Variants in OPCML observed in about 807,000 individuals in gnomAD.
OPCML encodes the protein opioid binding protein/cell adhesion molecule like, also known as opioid-binding protein/cell adhesion molecule.
Under a neutral mutation model 37.8 loss-of-function variants are expected in OPCML, and 13 were observed. That is an observed-to-expected ratio of 0.34 (90% confidence interval 0.22 to 0.55). The LOEUF (loss-of-function observed/expected upper bound fraction) is 0.55. OPCML is among the 20% of genes least tolerant of loss of function. The pLI, the probability that OPCML is intolerant of heterozygous loss-of-function variation, is 0.91. For missense variants in OPCML, 341 were observed against 435.6 expected (o/e 0.78, Z 1.93); for synonymous variants, 176 against 168.8 (o/e 1.04, Z -0.33).
intron 1 of OPCML, among the ~76,000 whole-genome samples, chr11:132,999,680 C>T (rs764124211): frequency 5.3e-5 from 8 of 152,108 alleles, no homozygotes; most frequent in African/African-American, 1.9e-4. Context: ...CAGCCAGAGG[C>T]GGCCATCAGA....
intron 2 of OPCML, among the ~76,000 whole-genome samples, chr11:132,716,053 C>T (rs1169540255): frequency 6.6e-6 from 1 of 152,214 alleles, no homozygotes; most frequent in Admixed American, 6.5e-5. Context: ...ACAAGATATA[C>T]TTTCTAACAC....
intron 1 of OPCML, among the ~76,000 whole-genome samples, chr11:133,036,447 G>A (rs1274166709): frequency 1.3e-5 from 2 of 152,168 alleles, no homozygotes; most frequent in African/African-American, 2.4e-5. Flanking sequence ...ATAATTAGAT[G>A]ATCTCATATT....
At chr11:132,741,743 C>T (rs1484337404) in intron 2 of OPCML, among the ~76,000 whole-genome samples, 2 of 152,002 alleles carry the variant, frequency 1.3e-5, no homozygotes, top group South Asian at 2.1e-4. Context: ...AAAAGCATTT[C>T]GGGCCAGGTG....
chr11:133,320,349 G>A (rs1453612735), intron 1 of OPCML, among the ~76,000 whole-genome samples: 1 of 152,144 alleles, frequency 6.6e-6, no homozygotes, highest in Non-Finnish European at 1.5e-5. Flanking sequence ...ACTCAAGTCA[G>A]GCTGATGAAA....
intron 2 of OPCML, among the ~76,000 whole-genome samples, chr11:132,851,256 G>C (rs1941797784): frequency 6.6e-6 from 1 of 152,124 alleles, no homozygotes; most frequent in Admixed American, 6.5e-5. Flanking sequence ...TGCTAGATTT[G>C]AATTTAATGC....
chr11:133,480,130 A>C (rs77382399), intron 1 of OPCML, among the ~76,000 whole-genome samples: 2,254 of 152,088 alleles, frequency 0.015, 53 homozygotes, highest in African/African-American at 0.05. Flanking sequence ...CAGCACATCC[A>C]CCCCTTCCCT....
chr11:133,099,370 C>T (rs1204799653), intron 1 of OPCML, among the ~76,000 whole-genome samples: 1 of 151,780 alleles, frequency 6.6e-6, no homozygotes, highest in Non-Finnish European at 1.5e-5. Context: ...TCATGCCATT[C>T]TCCTGCCTCA....
intron 1 of OPCML, among the ~76,000 whole-genome samples, chr11:133,032,560 T>C (rs1947694768): frequency 6.6e-6 from 1 of 152,212 alleles, no homozygotes. Flanking sequence ...GGGTAACAAG[T>C]CTAGAACTCA....
Position 133,211,193 on chromosome 11 carries a change from C to A in OPCML, c.62-268183G>T, listed in dbSNP as rs191651473. Among the ~76,000 whole-genome samples, 1 of 150,636 alleles carries A rather than the reference C, an allele frequency of 6.6e-6. No individual in the cohort carries two copies. The highest frequency in any genetic ancestry group is 1.5e-5 in the Non-Finnish European group (1 of 67,242). On this transcript the variant is annotated intron_variant, in intron 1 of 7. Coordinates refer to ENST00000524381, the MANE Select transcript of OPCML (RefSeq NM_001012393.5). The surrounding 1 kb of genome is among the most constrained non-coding windows in gnomAD (Gnocchi z 4.1). ...GCAAATTCTGATGATTTAATGTACT[C>A]ATTTCCCTCAGGTTCTGCTTTCTGG... is the stretch of plus-strand genomic sequence containing the variant.
intron 2 of OPCML, among the ~76,000 whole-genome samples, chr11:132,862,048 A>G (rs1315619965): frequency 2.0e-5 from 3 of 152,160 alleles, no homozygotes; most frequent in Non-Finnish European, 4.4e-5. Context: ...TTGCATGTTT[A>G]CCAGCCTTTA....
chr11:133,253,238 A>C (rs562950028), intron 1 of OPCML, among the ~76,000 whole-genome samples: 1 of 152,020 alleles, frequency 6.6e-6, no homozygotes, highest in Admixed American at 6.6e-5. Flanking sequence ...TGACCACGTG[A>C]TTAATGATGC....
intron 1 of OPCML, among the ~76,000 whole-genome samples, chr11:133,191,358 T>A (rs928559351): frequency 2.0e-5 from 3 of 152,342 alleles, no homozygotes; most frequent in African/African-American, 7.2e-5. Context: ...TCCTTCCCTG[T>A]TGCTTCCTTG....
At chr11:133,144,572 C>T (rs959041729) in intron 1 of OPCML, among the ~76,000 whole-genome samples, 1 of 152,194 alleles carries the variant, frequency 6.6e-6, no homozygotes, top group Non-Finnish European at 1.5e-5. Flanking sequence ...ACATGGGAAG[C>T]ATCTAGCACG....
chr11:133,285,864 A>G (rs1942281190), intron 1 of OPCML, among the ~76,000 whole-genome samples: 1 of 152,226 alleles, frequency 6.6e-6, no homozygotes, highest in Admixed American at 6.5e-5. Flanking sequence ...TGCAGTACAA[A>G]GATGTGAACA....
chr11:132,980,173 A>C (rs1946552608), intron 1 of OPCML, among the ~76,000 whole-genome samples: 1 of 152,236 alleles, frequency 6.6e-6, no homozygotes, highest in African/African-American at 2.4e-5. Flanking sequence ...ATGCTGAATA[A>C]AGCATAGCTC....
At chr11:132,957,085 C>T (rs1265253844) in intron 1 of OPCML, among the ~76,000 whole-genome samples, 1 of 152,160 alleles carries the variant, frequency 6.6e-6, no homozygotes, top group Non-Finnish European at 1.5e-5. Flanking sequence ...GAGCTATGAT[C>T]ATGCCACTGT....
chr11:132,446,331 A>AGGAG (rs58008878), intron 4 of OPCML, among the ~76,000 whole-genome samples: 3,566 of 138,542 alleles, frequency 0.026, 151 homozygotes, highest in East Asian at 0.18. Context: ...AGAGAGGCAG[A>AGGAG]GGAGGGAGGG....
intron 1 of OPCML, among the ~76,000 whole-genome samples, chr11:133,441,611 G>T (rs1298280222): frequency 6.6e-6 from 1 of 152,048 alleles, no homozygotes; most frequent in Non-Finnish European, 1.5e-5. Context: ...TTATTGTTGT[G>T]TTTTTGTTTG....
chr11:133,495,768 T>C (rs1263834249), intron 1 of OPCML, among the ~76,000 whole-genome samples: 1 of 152,110 alleles, frequency 6.6e-6, no homozygotes, highest in Non-Finnish European at 1.5e-5. Context: ...TCTTACTGAT[T>C]TGTTTGACTT....
Sources: allele counts gnomAD v4.1 joint callset (sites outside exome capture counted in the v4.1 genomes callset), GRCh38; gene constraint gnomAD v4.1.1; non-coding constraint Gnocchi (gnomAD v3.1); transcripts MANE v1.5; gene names NCBI Gene and HGNC (gene_info 2026-07-23, HGNC 2026-07-21).